The following SLC35B4 variants were observed in gnomAD, a reference collection of about 807,000 sequenced individuals.
SLC35B4 encodes the protein nucleotide sugar transporter SLC35B4.
A neutral mutation model predicts 39.5 loss-of-function variants in SLC35B4; 28 were observed. The ratio of observed to expected loss-of-function variants is 0.71; its 90% CI spans 0.53 to 0.97. The LOEUF (loss-of-function observed/expected upper bound fraction) is 0.97, where lower values mean the gene tolerates loss of function less well. Ranked by LOEUF, SLC35B4 falls within the 50% of genes least tolerant of loss-of-function variation. The pLI is 0.00. For missense variants in SLC35B4, 334 were observed against 414.3 expected, an observed-to-expected ratio of 0.81 and a Z score of 1.68; for synonymous variants, 145 against 150.4, an observed-to-expected ratio of 0.96 and a Z score of 0.26.
chr7:134,293,737 C>T lies in SLC35B4; in HGVS notation c.*1096G>A, dbSNP rs1400806410. 2.6e-5 allele frequency: 4 copies of T among 152,142 alleles called. No homozygotes were observed. The highest frequency in any genetic ancestry group is 7.2e-5 in the African/African-American group (3 of 41,412). The allele number at this position is 152,142 out of a possible 1,614,324, so 9.4% of individuals were successfully genotyped here. On this transcript the variant is annotated 3_prime_UTR_variant, in exon 10 of 10. Transcript: ENST00000378509. ...GTGCTGAGCAGGGCCATCCTGCCGT[C>T]ACCACTGTGGCCTAGGCAATGGGCT...
chr7:134,298,254 G>A, intron 8 of SLC35B4, among the ~76,000 whole-genome samples: 1 of 152,088 alleles, frequency 6.6e-6, no homozygotes, highest in East Asian at 1.9e-4. Context: ...GAAATGAAAA[G>A]GAAGTTAACA....
upstream of SLC35B4, among the ~76,000 whole-genome samples, chr7:134,317,718 T>TA (rs1804022524): frequency 6.6e-6 from 1 of 152,272 alleles, no homozygotes; most frequent in Admixed American, 6.5e-5. Flanking sequence ...TCATAGCACT[T>TA]ACAATCTGAG....
At chr7:134,295,153 T>C in intron 9 of SLC35B4, 74 bp from the exon 10 acceptor site, 2 of 1,555,198 alleles carry the variant, frequency 1.3e-6, no homozygotes, top group Admixed American at 1.8e-5. Flanking sequence ...TCTGGCATGG[T>C]CCCTGGTTTA....
At position 134,294,442 on chromosome 7, in the gene SLC35B4, T is replaced by G; in HGVS notation, c.*391A>C. ...AGACAAAAGGGATAAGGTCACAGGATGACAATGACTGCTGTAGCAGAGATG... is the reference window on the plus strand; with the variant it reads ...AGACAAAAGGGATAAGGTCACAGGAGGACAATGACTGCTGTAGCAGAGATG... On this transcript the variant is annotated 3_prime_UTR_variant, in exon 10 of 10. Transcript: ENST00000378509. 2 of 181,786 alleles carry G rather than the reference T, an allele frequency of 1.1e-5. No homozygotes were observed. The highest frequency in any genetic ancestry group is 2.4e-5 in the Non-Finnish European group (2 of 84,124). 11.3% of individuals were successfully genotyped at this position (181,786 alleles called of 1,614,324 possible). A position where few individuals can be genotyped will look rare whatever the true frequency, so the allele number is the denominator to read the frequency against.
Position 134,290,362 on chromosome 7 carries a change from A to T in SLC35B4, c.*4471T>A, listed in dbSNP as rs1419852526. On this transcript the variant is annotated 3_prime_UTR_variant, in exon 10 of 10. Coordinates refer to ENST00000378509, the MANE Select transcript of SLC35B4 (RefSeq NM_032826.5). The stretch of plus-strand genomic sequence containing the variant: ...CCGCTGATGAGGAGTGGGAACAGGT[A>T]TCACGAACCCTCAGGTTTTCCAGAA... The T allele has an allele frequency of 6.6e-6, 1 of 152,212 alleles. No individual in the cohort carries two copies. Among genetic ancestry groups the T allele is most frequent in the Non-Finnish European group, 1.5e-5 (1 of 68,046 alleles). The allele number at this position is 152,212 out of a possible 1,614,324, so 9.4% of individuals were successfully genotyped here.
rs1803398337 is a variant in SLC35B4, at chr7:134,294,013, G to A, written c.*820C>T. 6.6e-6 allele frequency: 1 copy of A among 152,038 alleles called. No homozygotes were observed. The highest frequency in any genetic ancestry group is 2.4e-5 in the African/African-American group (1 of 41,360). The allele number at this position is 152,038 out of a possible 1,614,324, so 9.4% of individuals were successfully genotyped here. A position where few individuals can be genotyped will look rare whatever the true frequency, so the allele number is the denominator to read the frequency against. On this transcript the variant is annotated 3_prime_UTR_variant, in exon 10 of 10. Coordinates refer to ENST00000378509, the MANE Select transcript of SLC35B4 (RefSeq NM_032826.5). ...TCACCATGTTGGCCAGATTGGTCTTGAACTCCTGACCTCAAGTGATACACC... is the reference window on the plus strand; with the variant it reads ...TCACCATGTTGGCCAGATTGGTCTTAAACTCCTGACCTCAAGTGATACACC...
At chr7:134,318,373 G>A (rs1399039839), upstream of SLC35B4, among the ~76,000 whole-genome samples, 10 of 148,636 alleles carry the variant, frequency 6.7e-5, no homozygotes, top group Non-Finnish European at 8.9e-5. Context: ...ATGAGCACCC[G>A]TCTTGAGTTT....
At chr7:134,320,179 C>T (rs748582400), upstream of SLC35B4, among the ~76,000 whole-genome samples, 10 of 152,094 alleles carry the variant, frequency 6.6e-5, no homozygotes, top group South Asian at 2.1e-4. Context: ...CTGACTGTGC[C>T]CAGCACACAG....
At position 134,294,830 on chromosome 7, in the gene SLC35B4, G is replaced by A. The variant is rs1379321795; in HGVS notation, c.*3C>T. Reference sequence around the variant, plus strand: ...ACACTGGTCTACGTACTCCAGACAGGCCTCAGTTCTTCTTGCTGTCCTTCT... The same window carrying A: ...ACACTGGTCTACGTACTCCAGACAGACCTCAGTTCTTCTTGCTGTCCTTCT... On this transcript the variant is annotated 3_prime_UTR_variant, in exon 10 of 10. Coordinates refer to ENST00000378509, the MANE Select transcript of SLC35B4 (RefSeq NM_032826.5). 6.2e-7 allele frequency: 1 copy of A among 1,613,876 alleles called. No individual in the cohort carries two copies.
intron 1 of SLC35B4, among the ~76,000 whole-genome samples, chr7:134,312,918 T>A (rs1325427015): frequency 6.6e-6 from 1 of 152,216 alleles, no homozygotes; most frequent in Non-Finnish European, 1.5e-5. Context: ...CACTATCTAA[T>A]GTTAGGACAC....
rs201568914 is a variant in SLC35B4, at chr7:134,309,362, A to C, written c.191+4T>G. 1.3e-6 allele frequency: 2 copies of C among 1,593,910 alleles called. No individual in the cohort carries two copies. Among genetic ancestry groups the C allele is most frequent in the East Asian group, 4.5e-5 (2 of 44,750 alleles). Reference sequence around the variant, plus strand: ...AAGCTAAAAGAGACTCTAATGTACCATACCTTATTGGGATAGCTGGTGGCT... The same window carrying C: ...AAGCTAAAAGAGACTCTAATGTACCCTACCTTATTGGGATAGCTGGTGGCT... On this transcript the variant is annotated splice_donor_region_variant and intron_variant, in intron 2 of 9. Transcript: ENST00000378509.
At chr7:134,302,154 C>A (rs764179998) in intron 4 of SLC35B4, 44 bp from the exon 5 acceptor site, 1 of 1,488,968 alleles carries the variant, frequency 6.7e-7, no homozygotes, top group South Asian at 1.2e-5. Flanking sequence ...TAGGAAAGCA[C>A]AGATATGAAT....
chr7:134,307,317 T>C (rs901363189), intron 2 of SLC35B4, among the ~76,000 whole-genome samples: 1 of 140,702 alleles, frequency 7.1e-6, no homozygotes, highest in Non-Finnish European at 1.5e-5. Context: ...TTATAGGTCT[T>C]AAAATAATAG....
In SLC35B4 at chr7:134,292,751, T is replaced by A. The variant is rs76786310; in HGVS notation, c.*2082A>T. 47 of 152,318 alleles carry A rather than the reference T, an allele frequency of 3.1e-4. No homozygotes were observed. The East Asian group carries it at 8.5e-3, about 27-fold the overall frequency. 9.4% of individuals were successfully genotyped at this position (152,318 alleles called of 1,614,324 possible). ...TAACACTTGGATATTTCTAGCACCGTCAATTCTGAGGAACTCTACATATTT... is the reference window on the plus strand; with the variant it reads ...TAACACTTGGATATTTCTAGCACCGACAATTCTGAGGAACTCTACATATTT... On this transcript the variant is annotated 3_prime_UTR_variant, in exon 10 of 10. Coordinates refer to ENST00000378509, the MANE Select transcript of SLC35B4 (RefSeq NM_032826.5).
chr7:134,301,113 G>A (rs773076254), intron 6 of SLC35B4, among the ~76,000 whole-genome samples: 3 of 152,154 alleles, frequency 2.0e-5, no homozygotes, highest in Non-Finnish European at 4.4e-5. Context: ...TCAAAGCCAA[G>A]AAGCAAGGAG....
In SLC35B4 at chr7:134,295,623, G is replaced by A. The variant is rs533137921; in HGVS notation, c.750-544C>T. Reference sequence around the variant, plus strand: ...TTTTTTTGAGACAGGGTCTTGTTCTGTTACTCAAGCTAGAGTGCAGTGGAG... The same window carrying A: ...TTTTTTTGAGACAGGGTCTTGTTCTATTACTCAAGCTAGAGTGCAGTGGAG... On this transcript the variant is annotated intron_variant, in intron 9 of 9. Transcript: ENST00000378509. 2.6e-5 allele frequency among the ~76,000 whole-genome samples: 4 copies of A among 151,522 alleles called. No homozygotes were observed. In the South Asian group the frequency reaches 8.3e-4, roughly 32 times the overall value.
intron 1 of SLC35B4, among the ~76,000 whole-genome samples, chr7:134,310,588 A>G (rs1803811112): frequency 6.8e-6 from 1 of 146,598 alleles, no homozygotes; most frequent in Non-Finnish European, 1.5e-5. Flanking sequence ...TCTGTCGCCC[A>G]GGCTGGAGTG....
intron 3 of SLC35B4, 36 bp from the exon 4 acceptor site, chr7:134,304,890 T>C (rs1381352445): frequency 1.3e-6 from 2 of 1,557,028 alleles, no homozygotes; most frequent in African/African-American, 2.7e-5. Context: ...AGAGGTTTAG[T>C]GCACTAGGAA....
intron 4 of SLC35B4, among the ~76,000 whole-genome samples, chr7:134,302,583 G>A (rs1329096196): frequency 1.3e-5 from 2 of 152,114 alleles, no homozygotes. Flanking sequence ...CCATTCTCTG[G>A]GGGAGGCTTG....
Sources: allele counts gnomAD v4.1 joint callset (sites outside exome capture counted in the v4.1 genomes callset), GRCh38; gene constraint gnomAD v4.1.1; transcripts MANE v1.5; gene names NCBI Gene and HGNC (gene_info 2026-07-23, HGNC 2026-07-21).